The following RBM19 variants were observed in gnomAD, a reference collection of about 807,000 sequenced individuals.
RBM19 encodes the protein RNA binding motif protein 19, also known as probable RNA-binding protein 19.
A neutral mutation model predicts 116.8 loss-of-function variants in RBM19; 94 were observed. The observed-to-expected ratio is 0.80, with a 90% CI of 0.68 to 0.95. The LOEUF is 0.95. RBM19 is among the 40% of genes least tolerant of loss of function. The probability of loss-of-function intolerance (pLI) is 0.00; values close to 1 mark genes in which losing one functional copy is unlikely to be tolerated. For synonymous variants in RBM19, 475 were observed against 494.1 expected (o/e 0.96, Z 0.51); for missense variants, 1,161 against 1,220.7 (o/e 0.95, Z 0.73).
chr12:113,893,838 T>C lies in RBM19; in HGVS notation c.2558+21131A>G, dbSNP rs889746253. Among the ~76,000 whole-genome samples the C allele has an allele frequency of 2.0e-5, 3 of 152,260 alleles. No individual in the cohort carries two copies. In the East Asian group the frequency reaches 5.8e-4, roughly 29 times the overall value. On this transcript the variant is annotated intron_variant, in intron 21 of 23. Transcript: ENST00000261741. ...TGAAAATTCAATTCCTCAGTCACAC[T>C]TGCCAGATTTCAAGTGCTCAGGAGC... is the stretch of plus-strand genomic sequence containing the variant.
chr12:113,870,469 T>C (rs562391361), intron 21 of RBM19, among the ~76,000 whole-genome samples: 7 of 152,316 alleles, frequency 4.6e-5, no homozygotes, highest in African/African-American at 1.7e-4. Flanking sequence ...ACCAGTCCTG[T>C]ACTGTGCTGC....
chr12:113,953,740 C>G (rs1871669915), intron 7 of RBM19, among the ~76,000 whole-genome samples: 1 of 152,238 alleles, frequency 6.6e-6, no homozygotes, highest in Non-Finnish European at 1.5e-5. Flanking sequence ...ACACATTTGC[C>G]TACACAGAAT....
intron 23 of RBM19, 90 bp from the exon 24 acceptor site, chr12:113,823,411 A>AG (rs1012481825): frequency 5.1e-5 from 58 of 1,141,176 alleles, no homozygotes; most frequent in Non-Finnish European, 7.3e-5. Flanking sequence ...AAGGAGGGAG[A>AG]GGGGAGAGAT....
At chr12:113,921,795 C>T (rs978856827) in intron 18 of RBM19, among the ~76,000 whole-genome samples, 1 of 152,170 alleles carries the variant, frequency 6.6e-6, no homozygotes, top group Non-Finnish European at 1.5e-5. Context: ...TTTAAAAGTG[C>T]AGTGACTGTG....
intron 23 of RBM19, among the ~76,000 whole-genome samples, chr12:113,844,315 A>G (rs1356240294): frequency 6.6e-6 from 1 of 152,234 alleles, no homozygotes. Flanking sequence ...GAGCACTGTG[A>G]GGACAGAGCC....
At chr12:113,838,952 G>A (rs1565966273) in intron 23 of RBM19, among the ~76,000 whole-genome samples, 5 of 152,220 alleles carry the variant, frequency 3.3e-5, no homozygotes, top group Admixed American at 2.0e-4. Context: ...GCGGCTCACA[G>A]GCTACGGTGT....
intron 16 of RBM19, 58 bp from the exon 17 acceptor site, chr12:113,927,287 C>G: frequency 1.3e-6 from 2 of 1,517,216 alleles, no homozygotes; most frequent in Non-Finnish European, 1.8e-6. Flanking sequence ...GAAATAATGT[C>G]AAACCCACCA....
chr12:113,868,293 G>A (rs1878981444), intron 21 of RBM19, among the ~76,000 whole-genome samples: 1 of 152,182 alleles, frequency 6.6e-6, no homozygotes, highest in African/African-American at 2.4e-5. Context: ...CACAGTAGAC[G>A]GGGTAGATCT....
At chr12:113,950,313 TC>T (rs1346008219) in intron 8 of RBM19, among the ~76,000 whole-genome samples, 159 bp from the exon 9 acceptor site, 3 of 152,114 alleles carry the variant, frequency 2.0e-5, no homozygotes, top group Non-Finnish European at 4.4e-5. Context: ...TCTCTCTGTC[TC>T]CCACCCACAG....
rs868843129 is a variant in RBM19, at chr12:113,844,242, C to G, written c.2785+426G>C. Among the ~76,000 whole-genome samples, 9 of 152,204 alleles carry G rather than the reference C, an allele frequency of 5.9e-5. No individual in the cohort carries two copies. The South Asian group carries it at 8.3e-4, about 14-fold the overall frequency. Reference sequence around the variant, plus strand: ...AAGTGATCAGCAAGAGTGTGGTCCCCAGGGCTGGCCACCAGGAAGGCCGTG... The same window carrying G: ...AAGTGATCAGCAAGAGTGTGGTCCCGAGGGCTGGCCACCAGGAAGGCCGTG... On this transcript the variant is annotated intron_variant, in intron 23 of 23. Coordinates refer to ENST00000261741, the MANE Select transcript of RBM19 (RefSeq NM_016196.4).
In RBM19 at chr12:113,825,056, A is replaced by G. The variant is rs920448173; in HGVS notation, c.2786-1735T>C. On this transcript the variant is annotated intron_variant, in intron 23 of 23. Coordinates refer to ENST00000261741, the MANE Select transcript of RBM19 (RefSeq NM_016196.4). This position sits in a 1 kb window ranked among gnomAD's most constrained non-coding sequence, Gnocchi z 5.7. Reference sequence around the variant, plus strand: ...ACCCCACCCCCTGGCACTTTTTATTACCCACACTGCCGCAGGCCTTTCTTT... The same window carrying G: ...ACCCCACCCCCTGGCACTTTTTATTGCCCACACTGCCGCAGGCCTTTCTTT... Among the ~76,000 whole-genome samples the G allele has an allele frequency of 2.0e-5, 3 of 151,832 alleles. No individual in the cohort carries two copies. The highest frequency in any genetic ancestry group is 2.4e-5 in the African/African-American group (1 of 41,328).
intron 21 of RBM19, among the ~76,000 whole-genome samples, chr12:113,890,848 C>T (rs1187925564): frequency 1.3e-5 from 2 of 152,166 alleles, no homozygotes; most frequent in South Asian, 2.1e-4. Context: ...AGAGCAGTGG[C>T]GCGATCACAG....
chr12:113,877,012 C>T (rs1279648847), intron 21 of RBM19, among the ~76,000 whole-genome samples: 2 of 152,200 alleles, frequency 1.3e-5, no homozygotes, highest in East Asian at 3.9e-4. Context: ...TTGCCCCTGC[C>T]TAGGTGCAAA....
At chr12:113,861,554 AAG>A (rs1405132020) in intron 21 of RBM19, among the ~76,000 whole-genome samples, 1 of 114,080 alleles carries the variant, frequency 8.8e-6, no homozygotes, top group Non-Finnish European at 1.9e-5. Flanking sequence ...GTGAGAGAGA[AAG>A]AGAGAAGGAG....
chr12:113,888,700 T>C (rs992153355), intron 21 of RBM19, among the ~76,000 whole-genome samples: 3 of 152,166 alleles, frequency 2.0e-5, no homozygotes, highest in Non-Finnish European at 4.4e-5. Flanking sequence ...AGGGCTGGAC[T>C]TTCAACCTGT....
intron 16 of RBM19, among the ~76,000 whole-genome samples, chr12:113,933,701 A>G (rs922591936): frequency 1.3e-5 from 2 of 152,166 alleles, no homozygotes; most frequent in Non-Finnish European, 2.9e-5. Flanking sequence ...ACCGTAAACC[A>G]CAGCATGCTA....
intron 23 of RBM19, among the ~76,000 whole-genome samples, chr12:113,837,108 T>TACATACAC (rs1555229630): frequency 7.2e-5 from 9 of 124,754 alleles, no homozygotes; most frequent in Non-Finnish European, 1.3e-4. Flanking sequence ...CATACATACA[T>TACATACAC]ACACACACAC....
intron 21 of RBM19, among the ~76,000 whole-genome samples, chr12:113,906,936 C>A (rs138359065): frequency 6.6e-6 from 1 of 151,994 alleles, no homozygotes; most frequent in Non-Finnish European, 1.5e-5. Flanking sequence ...GAAGGAAGAA[C>A]GCCAGAGACG....
At chr12:113,883,174 C>A (rs1880273656) in intron 21 of RBM19, among the ~76,000 whole-genome samples, 1 of 152,210 alleles carries the variant, frequency 6.6e-6, no homozygotes, top group South Asian at 2.1e-4. Flanking sequence ...AAAGAAAACT[C>A]CTGCCCAGAA....
Sources: gnomAD v4.1 joint callset for allele counts (sites outside exome capture counted in the v4.1 genomes callset) on GRCh38, gnomAD v4.1.1 for gene constraint, Gnocchi (gnomAD v3.1) non-coding constraint, MANE v1.5 for transcripts, NCBI Gene and HGNC (gene_info 2026-07-23, HGNC 2026-07-21) for gene names.